Variants in CDC73 observed in about 807,000 individuals in gnomAD.
CDC73 encodes the protein parafibromin.
CDC73 carries 21 observed loss-of-function variants against 83.7 expected under a neutral mutation model. That is an observed-to-expected ratio of 0.25 (90% CI 0.18 to 0.36). The LOEUF is 0.36. CDC73 is among the 10% of genes least tolerant of loss of function. The pLI is 1.00. For synonymous variants in CDC73, 224 were observed against 212.9 expected, an observed-to-expected ratio of 1.05 and a Z score of -0.45; for missense variants, 342 against 653.3, an observed-to-expected ratio of 0.52 and a Z score of 5.19.
chr1:193,125,088 A>G (rs763967436), intron 1 of CDC73, 24 bp from the exon 2 acceptor site: 1 of 1,224,722 alleles, frequency 8.2e-7, no homozygotes, highest in Non-Finnish European at 1.2e-6. Context: ...GTCAGTAAAA[A>G]AAATCTTGCC....
rs1420420193 is a variant in CDC73, at chr1:193,232,961, A to G, written c.1155-32A>G. 8.2e-6 allele frequency: 13 copies of G among 1,590,020 alleles called. 1 individual carries two copies. In the African/African-American group the frequency reaches 1.1e-4, roughly 13 times the overall value. The stretch of plus-strand genomic sequence containing the variant: ...TTCCCATTTTCATCACGTGGAATAC[A>G]TTGACTTTTTCTCATCTCTGTTTTT... On this transcript the variant is annotated intron_variant, in intron 13 of 16. Coordinates refer to ENST00000367435, the MANE Select transcript of CDC73 (RefSeq NM_024529.5).
At chr1:193,224,189 A>G (rs1677520828) in intron 13 of CDC73, among the ~76,000 whole-genome samples, 2 of 150,638 alleles carry the variant, frequency 1.3e-5, no homozygotes, top group Non-Finnish European at 3.0e-5. Flanking sequence ...CAGACTACTC[A>G]CTTCATGAGA....
intron 15 of CDC73, among the ~76,000 whole-genome samples, chr1:193,244,579 G>T (rs1008194959): frequency 3.3e-5 from 5 of 152,258 alleles, no homozygotes; most frequent in African/African-American, 1.2e-4. Context: ...AAACAAAGTA[G>T]CAAGTGTAAC....
chr1:193,221,381 G>A (rs890067683), intron 13 of CDC73, among the ~76,000 whole-genome samples: 1 of 151,624 alleles, frequency 6.6e-6, no homozygotes, highest in Admixed American at 6.6e-5. Flanking sequence ...TTGGTATTGT[G>A]TTGTTTTTTT....
At chr1:193,249,237 G>A (rs1231903698) in intron 15 of CDC73, among the ~76,000 whole-genome samples, 1 of 152,058 alleles carries the variant, frequency 6.6e-6, no homozygotes, top group East Asian at 1.9e-4. Context: ...TAAAGGCTCA[G>A]ATGATTGTTA....
chr1:193,248,461 G>A (rs1299367136), intron 15 of CDC73, among the ~76,000 whole-genome samples: 4 of 152,174 alleles, frequency 2.6e-5, no homozygotes, highest in Middle Eastern at 3.4e-3. Flanking sequence ...AGATCAAGGA[G>A]TGATTTAGAC....
At chr1:193,237,381 G>A (rs1391268479) in intron 15 of CDC73, among the ~76,000 whole-genome samples, 2 of 152,214 alleles carry the variant, frequency 1.3e-5, no homozygotes, top group African/African-American at 4.8e-5. Context: ...AGGGTGGTGG[G>A]AGAAATAGAA....
At chr1:193,170,129 AT>A (rs1404596931) in intron 10 of CDC73, among the ~76,000 whole-genome samples, 2 of 152,084 alleles carry the variant, frequency 1.3e-5, no homozygotes, top group African/African-American at 2.4e-5. Context: ...ATATGATCTC[AT>A]TCTTTTTTAT....
chr1:193,131,473 T>C (rs1421769519), intron 3 of CDC73, among the ~76,000 whole-genome samples: 43 of 152,240 alleles, frequency 2.8e-4, no homozygotes, highest in Admixed American at 2.8e-3. Flanking sequence ...TTTCCTATAG[T>C]GTAGTCTTAG....
At chr1:193,139,983 T>G (rs985557780) in intron 6 of CDC73, among the ~76,000 whole-genome samples, 4 of 152,224 alleles carry the variant, frequency 2.6e-5, no homozygotes, top group African/African-American at 9.7e-5. Context: ...TAGTCAGAAT[T>G]CTGCTGGGGT....
At chr1:193,241,856 G>C (rs1677868365) in intron 15 of CDC73, among the ~76,000 whole-genome samples, 1 of 152,198 alleles carries the variant, frequency 6.6e-6, no homozygotes, top group Non-Finnish European at 1.5e-5. Flanking sequence ...TCGCAGGCAG[G>C]GGTGGGGTGT....
chr1:193,125,011 T>C, intron 1 of CDC73, 101 bp from the exon 2 acceptor site: 1 of 736,686 alleles, frequency 1.4e-6, no homozygotes, highest in Non-Finnish European at 2.5e-6. Flanking sequence ...TTAGCTATGT[T>C]AAACTCATTG....
At chr1:193,204,708 T>C (rs1677157329) in intron 11 of CDC73, among the ~76,000 whole-genome samples, 1 of 152,172 alleles carries the variant, frequency 6.6e-6, no homozygotes, top group African/African-American at 2.4e-5. Flanking sequence ...CTTGAATAAA[T>C]AGGTATAGAG....
intron 10 of CDC73, among the ~76,000 whole-genome samples, chr1:193,170,458 G>GT (rs1204783907): frequency 6.6e-6 from 1 of 151,926 alleles, no homozygotes; most frequent in Non-Finnish European, 1.5e-5. Flanking sequence ...CCAGCATCTT[G>GT]TTTTTTGATA....
At chr1:193,151,868 A>ACCTGTG (rs1676118999) in intron 9 of CDC73, among the ~76,000 whole-genome samples, 1 of 152,076 alleles carries the variant, frequency 6.6e-6, no homozygotes, top group Non-Finnish European at 1.5e-5. Context: ...GGATGGGAGA[A>ACCTGTG]GAGGTTGCAG....
intron 10 of CDC73, among the ~76,000 whole-genome samples, chr1:193,170,357 T>C (rs1257997502): frequency 6.6e-6 from 1 of 152,222 alleles, no homozygotes; most frequent in Non-Finnish European, 1.5e-5. Context: ...TTTAGGTCTT[T>C]GAGGAATCAC....
At chr1:193,185,453 T>C (rs1476049683) in intron 10 of CDC73, among the ~76,000 whole-genome samples, 2 of 152,116 alleles carry the variant, frequency 1.3e-5, no homozygotes, top group Admixed American at 6.6e-5. Context: ...TATTTAAAAT[T>C]TGTTGATACT....
chr1:193,127,289 A>ATGTGTGTGTGTGTG (rs34948918), intron 2 of CDC73, among the ~76,000 whole-genome samples: 2 of 143,188 alleles, frequency 1.4e-5, no homozygotes, highest in Non-Finnish European at 3.0e-5. Context: ...AAAAAAAAAA[A>ATGTGTGTGTGTGTG]TGTGTGTGTG....
rs140461309 is a variant in CDC73, at chr1:193,151,459, C to G, written c.908-921C>G. Among the ~76,000 whole-genome samples the G allele has an allele frequency of 4.6e-3, 702 of 152,202 alleles. 6 individuals are homozygous for G. Among genetic ancestry groups the G allele is most frequent in the African/African-American group, 0.016 (650 of 41,546 alleles). The stretch of plus-strand genomic sequence containing the variant: ...CTCCATGGGCCAAATTGGGTTGCCC[C>G]CAATTGATCACATATATTGTTTATT... On this transcript the variant is annotated intron_variant, in intron 9 of 16. Transcript: ENST00000367435.
Sources: allele counts gnomAD v4.1 joint callset (sites outside exome capture counted in the v4.1 genomes callset), GRCh38; gene constraint gnomAD v4.1.1; transcripts MANE v1.5; gene names NCBI Gene and HGNC (gene_info 2026-07-23, HGNC 2026-07-21).